Variants in MRPL21 observed in about 807,000 individuals in gnomAD.
MRPL21 encodes large ribosomal subunit protein bL21m.
MRPL21 carries 20 observed loss-of-function variants against 27.3 expected under a neutral mutation model. The ratio of observed to expected loss-of-function variants is 0.73; its 90% CI spans 0.52 to 1.06. The LOEUF (loss-of-function observed/expected upper bound fraction) is 1.06, where lower values mean the gene tolerates loss of function less well. Among genes scored for constraint, MRPL21 ranks in the 50% least tolerant of loss-of-function variants. MRPL21 has a pLI of 0.00. For missense variants in MRPL21, 249 were observed against 251.4 expected (o/e 0.99, Z 0.06); for synonymous variants, 98 against 101.5 (o/e 0.97, Z 0.21).
At chr11:68,893,110 G>A (rs752373660) in intron 5 of MRPL21, 117 bp from the exon 6 acceptor site, 162 of 1,343,946 alleles carry the variant, frequency 1.2e-4, no homozygotes, top group Non-Finnish European at 1.4e-4. Context: ...AAAGTAATAC[G>A]CCCTCAATGG....
intron 1 of MRPL21, among the ~76,000 whole-genome samples, chr11:68,900,954 T>C (rs1857919681): frequency 2.0e-5 from 3 of 152,224 alleles, no homozygotes; most frequent in Non-Finnish European, 1.5e-5. Context: ...CTCCTGCTAT[T>C]CTTACCCCTG....
chr11:68,900,735 G>A, intron 1 of MRPL21, 130 bp from the exon 2 acceptor site: 1 of 793,282 alleles, frequency 1.3e-6, no homozygotes, highest in Non-Finnish European at 2.2e-6. Flanking sequence ...CCTGCCCACA[G>A]AAACACCTAG....
At chr11:68,900,905 C>T (rs114580988) in intron 1 of MRPL21, among the ~76,000 whole-genome samples, 3 of 152,238 alleles carry the variant, frequency 2.0e-5, no homozygotes, top group African/African-American at 4.8e-5. Context: ...TGTGCCCAAG[C>T]GTGGGAGCAG....
chr11:68,898,165 G>A (rs1006925333), intron 2 of MRPL21, among the ~76,000 whole-genome samples, 153 bp from the exon 3 acceptor site: 4 of 152,214 alleles, frequency 2.6e-5, no homozygotes, highest in South Asian at 2.1e-4. Flanking sequence ...GGGTAACCCC[G>A]AGGACAGGCT....
chr11:68,903,134 T>G (rs1858009360), intron 1 of MRPL21, among the ~76,000 whole-genome samples: 1 of 152,222 alleles, frequency 6.6e-6, no homozygotes, highest in African/African-American at 2.4e-5. Context: ...TTTCCATTTT[T>G]GGGGGTCATG....
chr11:68,898,149 C>T, intron 2 of MRPL21, 137 bp from the exon 3 acceptor site: 2 of 706,036 alleles, frequency 2.8e-6, no homozygotes, highest in East Asian at 2.7e-5. Context: ...AGGCCCCGCC[C>T]CTCTGGGGTA....
chr11:68,902,206 CT>C (rs1385199254), intron 1 of MRPL21, among the ~76,000 whole-genome samples: 4 of 152,204 alleles, frequency 2.6e-5, no homozygotes, highest in Admixed American at 2.0e-4. Flanking sequence ...CACTGTGTGT[CT>C]TTCTCTCCTA....
intron 6 of MRPL21, chr11:68,891,904 C>T: frequency 2.0e-6 from 1 of 497,398 alleles, no homozygotes; most frequent in Non-Finnish European, 3.4e-6. Flanking sequence ...TGGCCCATGC[C>T]CCGTGGGTGC....
In MRPL21 at chr11:68,893,497, G is replaced by T. The variant is rs561032177; in HGVS notation, c.397-42C>A. The T allele has an allele frequency of 3.1e-6, 5 of 1,613,598 alleles. No individual in the cohort carries two copies. In the East Asian group the frequency reaches 8.9e-5, roughly 29 times the overall value. ...GTGTGTTTCATCAGTGGCTCATTAC[G>T]ATGAGTAAGAACAGTTGCTAATAAC... On this transcript the variant is annotated intron_variant, in intron 4 of 6. Transcript: ENST00000362034.
chr11:68,894,928 C>A (rs1391292882), intron 4 of MRPL21, among the ~76,000 whole-genome samples: 2 of 152,124 alleles, frequency 1.3e-5, no homozygotes, highest in Non-Finnish European at 2.9e-5. Context: ...AATTAAGCAT[C>A]CCAGAAAAAT....
intron 4 of MRPL21, among the ~76,000 whole-genome samples, chr11:68,896,053 T>C (rs1011606412): frequency 6.6e-6 from 1 of 152,236 alleles, no homozygotes. Context: ...TGTTTACTAT[T>C]TAAAAACAGC....
chr11:68,894,336 A>G (rs1375978561), intron 4 of MRPL21, among the ~76,000 whole-genome samples: 5 of 152,190 alleles, frequency 3.3e-5, no homozygotes, highest in Non-Finnish European at 7.3e-5. Flanking sequence ...GCTGGAGTGC[A>G]GTGGCGTGAT....
At position 68,893,404 on chromosome 11, in the gene MRPL21, C is replaced by T. The variant is rs768600289; in HGVS notation, c.448G>A (p.Gly150Arg). 19 of 1,614,220 alleles carry T rather than the reference C, an allele frequency of 1.2e-5. No individual in the cohort carries two copies. Among genetic ancestry groups the T allele is most frequent in the Admixed American group, 3.3e-5 (2 of 60,014 alleles). Residue 150 changes from glycine to arginine, a missense_variant and splice_region_variant, in exon 5 of 7, where the codon GGA becomes AGA. Physicochemically the swap from Gly to Arg is moderately radical, Grantham distance 125. Transcript: ENST00000362034. ...NFTLLGKPLLGKDLVRVEATV... is the reference protein window; with the variant it reads ...NFTLLGKPLLRKDLVRVEATV... ...AGCCCAGCACTTCACAGCCATTACC[C>T]GAGGAGTGGCTTGCCAAGCAGCGTG...
intron 2 of MRPL21, 93 bp downstream of exon 2, chr11:68,900,455 A>G: frequency 8.8e-7 from 1 of 1,141,204 alleles, no homozygotes; most frequent in Non-Finnish European, 1.3e-6. Context: ...TTTAAATATT[A>G]TTGAGAACCA....
rs530969982 is a variant in MRPL21 at position 68,898,674 on chromosome 11, T to G, written c.147-662A>C. Among the ~76,000 whole-genome samples, 120 of 152,332 alleles carry G rather than the reference T, an allele frequency of 7.9e-4. 1 individual carries two copies. In the South Asian group the frequency reaches 0.024, roughly 30 times the overall value. On this transcript the variant is annotated intron_variant, in intron 2 of 6. Transcript: ENST00000362034. ...TTAGATGGCTACTGTTCACAGCCGG[T>G]CCCAGCATGGCCAGTGAGGGTCGGG...
chr11:68,897,114 A>G (rs1243363014), intron 3 of MRPL21, among the ~76,000 whole-genome samples: 1 of 152,176 alleles, frequency 6.6e-6, no homozygotes, highest in Non-Finnish European at 1.5e-5. Flanking sequence ...GGACTTTGCA[A>G]TGAGGAGCCC....
chr11:68,897,534 C>T (rs558871949), intron 3 of MRPL21: 60 of 208,186 alleles, frequency 2.9e-4, no homozygotes, highest in Non-Finnish European at 4.5e-4. Context: ...CCTTCTGACA[C>T]GGGCTCCAGG....
chr11:68,895,417 AG>A (rs1221107457), intron 4 of MRPL21, among the ~76,000 whole-genome samples: 1 of 152,180 alleles, frequency 6.6e-6, no homozygotes, highest in South Asian at 2.1e-4. Flanking sequence ...TGGGAGGCCA[AG>A]GCAGGTGGAT....
chr11:68,898,701 G>A (rs1857861438), intron 2 of MRPL21, among the ~76,000 whole-genome samples: 1 of 152,198 alleles, frequency 6.6e-6, no homozygotes, highest in Non-Finnish European at 1.5e-5. Flanking sequence ...AGGGTCGGGT[G>A]TTAGGAGTGC....
Sources: allele counts gnomAD v4.1 joint callset (sites outside exome capture counted in the v4.1 genomes callset), GRCh38; gene constraint gnomAD v4.1.1; transcripts MANE v1.5; gene names NCBI Gene and HGNC (gene_info 2026-07-23, HGNC 2026-07-21).